The following SEC14L1 variants were observed in gnomAD, a reference collection of about 807,000 sequenced individuals.
SEC14L1 encodes the protein SEC14 like lipid binding 1.
A neutral mutation model predicts 85.3 loss-of-function variants in SEC14L1; 48 were observed. The observed-to-expected ratio is 0.56, with a 90% CI of 0.45 to 0.72. The LOEUF (loss-of-function observed/expected upper bound fraction) is 0.72, where lower values mean the gene tolerates loss of function less well. Among genes scored for constraint, SEC14L1 ranks in the 30% least tolerant of loss-of-function variants. The probability of loss-of-function intolerance (pLI) is 0.00; values close to 1 mark genes in which losing one functional copy is unlikely to be tolerated. For synonymous variants in SEC14L1, 391 were observed against 355.5 expected (o/e 1.10, Z -1.12); for missense variants, 682 against 921.4 (o/e 0.74, Z 3.36).
chr17:77,123,881 G>A (rs1157240981), intron 3 of SEC14L1, among the ~76,000 whole-genome samples: 3 of 152,138 alleles, frequency 2.0e-5, no homozygotes, highest in East Asian at 1.9e-4. Context: ...CCATGTAGAC[G>A]GTCTGTGTGT....
intron 3 of SEC14L1, among the ~76,000 whole-genome samples, chr17:77,154,345 A>C (rs143290482): frequency 1.3e-5 from 2 of 152,166 alleles, no homozygotes; most frequent in Admixed American, 1.3e-4. Context: ...GTGGTGGCGC[A>C]TGCCCGTAGT....
intron 3 of SEC14L1, chr17:77,144,697 C>T (rs1294688901): frequency 1.3e-5 from 2 of 152,260 alleles, no homozygotes; most frequent in Non-Finnish European, 2.9e-5. Flanking sequence ...ACTGCAACCT[C>T]CATCTCCTGG....
chr17:77,139,189 G>A (rs554975259), upstream of SEC14L1, among the ~76,000 whole-genome samples: 4 of 140,920 alleles, frequency 2.8e-5, no homozygotes, highest in South Asian at 2.2e-4. Context: ...TTTTTGACAC[G>A]GAGTCTTGCT....
At chr17:77,100,897 A>G (rs1343390466) in intron 3 of SEC14L1, among the ~76,000 whole-genome samples, 1 of 152,154 alleles carries the variant, frequency 6.6e-6, no homozygotes, top group Non-Finnish European at 1.5e-5. Context: ...TTTTGTTACA[A>G]TATTGTATGC....
intron 2 of SEC14L1, among the ~76,000 whole-genome samples, chr17:77,091,175 C>A (rs765268895): frequency 3.4e-4 from 52 of 152,192 alleles, no homozygotes; most frequent in Non-Finnish European, 4.1e-4. Flanking sequence ...GCAACCTCCA[C>A]CTCCCAGATT....
chr17:77,193,273 T>G (rs1975632398), intron 5 of SEC14L1, 148 bp from the exon 6 acceptor site: 1 of 574,926 alleles, frequency 1.7e-6, no homozygotes, highest in South Asian at 3.8e-5. Flanking sequence ...GAACATGATT[T>G]TGGCATTTTT....
At chr17:77,165,659 A>G (rs999741192) in intron 3 of SEC14L1, among the ~76,000 whole-genome samples, 6 of 152,174 alleles carry the variant, frequency 3.9e-5, no homozygotes, top group African/African-American at 1.4e-4. Flanking sequence ...CCTGAACTGA[A>G]GTATGATCAT....
intron 3 of SEC14L1, among the ~76,000 whole-genome samples, chr17:77,123,414 CTT>C (rs71280842): frequency 6.2e-5 from 5 of 80,498 alleles, no homozygotes; most frequent in African/African-American, 1.8e-4. Context: ...CAGGCCCACT[CTT>C]TTTTTTTTTT....
intron 3 of SEC14L1, among the ~76,000 whole-genome samples, chr17:77,160,775 A>G (rs979634737): frequency 6.6e-6 from 1 of 152,244 alleles, no homozygotes; most frequent in Non-Finnish European, 1.5e-5. Context: ...TCATCTGTAT[A>G]GCATGCTTAC....
chr17:77,156,329 C>T (rs142949799), intron 3 of SEC14L1, among the ~76,000 whole-genome samples: 1,830 of 152,290 alleles, frequency 0.012, 22 homozygotes, highest in South Asian at 0.046. Flanking sequence ...AATCCCAGCA[C>T]TTTGGGAAGC....
At chr17:77,192,869 C>T (rs570001945) in intron 5 of SEC14L1, among the ~76,000 whole-genome samples, 8 of 152,200 alleles carry the variant, frequency 5.3e-5, no homozygotes, top group African/African-American at 1.9e-4. Flanking sequence ...GCTCTGTTGC[C>T]CAGGCTGGTC....
At chr17:77,189,887 C>G (rs1319241952) in intron 3 of SEC14L1, among the ~76,000 whole-genome samples, 2 of 152,154 alleles carry the variant, frequency 1.3e-5, no homozygotes, top group African/African-American at 4.8e-5. Context: ...CTCAGACTCC[C>G]AAAGTGCTGA....
chr17:77,089,144 T>C (rs1567862615), intron 1 of SEC14L1: 1 of 339,258 alleles, frequency 2.9e-6, no homozygotes, highest in African/African-American at 2.2e-5. Context: ...TGTTACTTTT[T>C]CCCCCAAGGT....
intron 3 of SEC14L1, among the ~76,000 whole-genome samples, chr17:77,152,005 T>A (rs1973581698): frequency 6.6e-6 from 1 of 152,174 alleles, no homozygotes; most frequent in African/African-American, 2.4e-5. Context: ...AGATAGGGTT[T>A]TGCTTTGTCA....
chr17:77,130,610 A>ACCACACCCAG (rs1972584202), intron 3 of SEC14L1, among the ~76,000 whole-genome samples: 1 of 148,762 alleles, frequency 6.7e-6, no homozygotes, highest in African/African-American at 2.5e-5. Context: ...GGCGTGAGCC[A>ACCACACCCAG]CTGAGCCCAG....
At chr17:77,104,831 T>C (rs1165986631) in intron 3 of SEC14L1, among the ~76,000 whole-genome samples, 2 of 151,120 alleles carry the variant, frequency 1.3e-5, no homozygotes, top group Non-Finnish European at 2.9e-5. Context: ...TGTGTGTGTG[T>C]GTGTCAAGGT....
In SEC14L1 at chr17:77,216,718, C is replaced by A. The variant is rs1977119980; in HGVS notation, c.*2695C>A. The A allele has an allele frequency of 4.4e-6, 6 of 1,351,688 alleles. No individual in the cohort carries two copies. In the Admixed American group the frequency reaches 9.2e-5, roughly 21 times the overall value. 83.7% of individuals were successfully genotyped at this position (1,351,688 alleles called of 1,614,324 possible). On this transcript the variant is annotated 3_prime_UTR_variant, in exon 17 of 17. Coordinates refer to ENST00000436233, the MANE Select transcript of SEC14L1 (RefSeq NM_001143998.2). ...AGTGGCATTCTTTTATACCCAAAGA[C>A]TGTAGTGCATCTTGAAGAGCTCAAA... is the stretch of plus-strand genomic sequence containing the variant.
chr17:77,156,667 T>C (rs1228983600), intron 3 of SEC14L1, among the ~76,000 whole-genome samples: 2 of 152,136 alleles, frequency 1.3e-5, no homozygotes, highest in Admixed American at 6.5e-5. Flanking sequence ...CAGTGAAATT[T>C]TGTTTTTTGT....
chr17:77,187,711 G>C lies in SEC14L1; in HGVS notation c.64-3092G>C, dbSNP rs1248148239. ...ATTACCCTATATCCTATGACTTCCA[G>C]TTCACATGCACCATGGGCTACTGGA... On this transcript the variant is annotated intron_variant, in intron 3 of 16. Transcript: ENST00000436233. Among the ~76,000 whole-genome samples, 4 of 150,398 alleles carry C rather than the reference G, an allele frequency of 2.7e-5. 1 individual carries two copies. The highest frequency in any genetic ancestry group is 7.3e-5 in the African/African-American group (3 of 40,828).
Sources: gnomAD v4.1 joint callset for allele counts (sites outside exome capture counted in the v4.1 genomes callset) on GRCh38, gnomAD v4.1.1 for gene constraint, MANE v1.5 for transcripts, NCBI Gene and HGNC (gene_info 2026-07-23, HGNC 2026-07-21) for gene names.